Variants in MLIP observed in about 807,000 individuals in gnomAD.
MLIP encodes the protein muscular LMNA interacting protein.
Under a neutral mutation model 84.8 loss-of-function variants are expected in MLIP, and 79 were observed. The ratio of observed to expected loss-of-function variants is 0.93; its 90% CI spans 0.78 to 1.12. The LOEUF (loss-of-function observed/expected upper bound fraction) is 1.12. Ranked by LOEUF, MLIP falls within the 50% of genes most tolerant of loss-of-function variation. MLIP has a pLI of 0.00. For missense variants in MLIP, 1,257 were observed against 1,160.6 expected, an observed-to-expected ratio of 1.08 and a Z score of -1.21; for synonymous variants, 504 against 463.0, an observed-to-expected ratio of 1.09 and a Z score of -1.14.
intron 8 of MLIP, among the ~76,000 whole-genome samples, chr6:54,168,225 T>G (rs1775396051): frequency 6.6e-6 from 1 of 151,852 alleles, no homozygotes; most frequent in African/African-American, 2.4e-5. Context: ...GCTCTTTATC[T>G]AGAATACTAC....
intron 12 of MLIP, among the ~76,000 whole-genome samples, chr6:54,234,829 G>A (rs1174850006): frequency 6.6e-6 from 1 of 152,044 alleles, no homozygotes; most frequent in Admixed American, 6.6e-5. Context: ...TTTCTTTGTG[G>A]ACACTTCTTG....
chr6:54,056,296 T>C (rs960380519), intron 1 of MLIP, among the ~76,000 whole-genome samples: 1 of 152,174 alleles, frequency 6.6e-6, no homozygotes, highest in Non-Finnish European at 1.5e-5. Flanking sequence ...TTGAAAGATT[T>C]CATGAAAAGC....
In MLIP at chr6:54,191,471, T is replaced by TG. The variant is rs1207167925; in HGVS notation, c.2589+1558dup. On this transcript the variant is annotated intron_variant, in intron 10 of 13. Transcript: ENST00000502396. ...GTCAATTGGTTTAGAACAGTGTGTG[T>TG]GTGGGGGGGCAATATAGTATAGTTG... 1.9e-3 allele frequency among the ~76,000 whole-genome samples: 293 copies of TG among 152,222 alleles called. 2 individuals carry two copies. The highest frequency in any genetic ancestry group is 6.7e-3 in the African/African-American group (278 of 41,514).
chr6:54,235,704 T>A (rs1384286797), intron 12 of MLIP, among the ~76,000 whole-genome samples: 1 of 152,230 alleles, frequency 6.6e-6, no homozygotes, highest in Admixed American at 6.5e-5. Flanking sequence ...AGTCAACTTA[T>A]GGATTTACCA....
rs1773176511 is a variant in MLIP at position 54,149,139 on chromosome 6, C to T, written c.2289+12C>T. ...TTTTGGAACAGAAGGTCAGTGTTGG[C>T]TCAAAAACAGTGAATTTTACATTTT... On this transcript the variant is annotated intron_variant, in intron 5 of 13. Transcript: ENST00000502396. 1 of 1,602,872 alleles carries T rather than the reference C, an allele frequency of 6.2e-7. No homozygotes were observed. The highest frequency in any genetic ancestry group is 1.7e-5 in the Admixed American group (1 of 59,072).
At chr6:54,153,644 T>G (rs866889187) in intron 5 of MLIP, among the ~76,000 whole-genome samples, 105 of 152,048 alleles carry the variant, frequency 6.9e-4, no homozygotes, top group African/African-American at 2.4e-3. Context: ...GGTCAGAAAT[T>G]CGAGACCAGC....
At chr6:54,265,053 G>T (rs560485201) in intron 13 of MLIP, among the ~76,000 whole-genome samples, 1 of 152,160 alleles carries the variant, frequency 6.6e-6, no homozygotes, top group East Asian at 1.9e-4. Flanking sequence ...GCAAAGCACA[G>T]ACAGTTGCCT....
chr6:54,061,684 G>A (rs368127253), intron 1 of MLIP, among the ~76,000 whole-genome samples: 7 of 152,264 alleles, frequency 4.6e-5, no homozygotes, highest in African/African-American at 1.7e-4. Flanking sequence ...ATTCAGAAGT[G>A]AATATATTAC....
At chr6:54,203,807 A>G (rs1437117640) in intron 11 of MLIP, 2 of 152,312 alleles carry the variant, frequency 1.3e-5, no homozygotes, top group East Asian at 1.9e-4. Context: ...GCTGGTCTCA[A>G]ACTCGTGACC....
intron 1 of MLIP, among the ~76,000 whole-genome samples, chr6:54,034,229 T>C (rs1266896448): frequency 6.6e-6 from 1 of 152,240 alleles, no homozygotes; most frequent in Admixed American, 6.5e-5. Flanking sequence ...CAGATTTCTA[T>C]GTTAGTGTGT....
rs1273295600 is a variant in MLIP, at chr6:54,230,797, T to C, written c.2802T>C (p.His934=). 1.9e-6 allele frequency: 3 copies of C among 1,614,108 alleles called. No individual in the cohort carries two copies. The highest frequency in any genetic ancestry group is 2.2e-5 in the South Asian group (2 of 91,084). Residue 934 remains histidine, a synonymous_variant, in exon 12 of 14, where the codon CAT becomes CAC. Coordinates refer to ENST00000502396, the MANE Select transcript of MLIP (RefSeq NM_001281747.2). ...ATCCTCCTGCTAAGTCACTGCTGCA[T>C]CCACAGACCCTCTCACATGCTGACT... The part of the protein sequence containing the change: ...KLYPPAKSLL[H]PQTLSHADCL...
Position 54,266,033 on chromosome 6 carries a change from T to TG in MLIP, c.*78_*79insG. 3 of 986,426 alleles carry TG rather than the reference T, an allele frequency of 3.0e-6. No homozygotes were observed. The African/African-American group carries it at 1.4e-4, about 48-fold the overall frequency. The allele number at this position is 986,426 out of a possible 1,614,324, so 61.1% of individuals were successfully genotyped here. On this transcript the variant is annotated 3_prime_UTR_variant, in exon 14 of 14. Coordinates refer to ENST00000502396, the MANE Select transcript of MLIP (RefSeq NM_001281747.2). ...TGCTAACCACTTGCTAGATTTAACTTTTTTTTTTTTTTCCAGAATGAGTGC... is the reference window on the plus strand; with the variant it reads ...TGCTAACCACTTGCTAGATTTAACTTGTTTTTTTTTTTTCCAGAATGAGTGC...
intron 9 of MLIP, among the ~76,000 whole-genome samples, chr6:54,184,147 A>G (rs1013424785): frequency 2.0e-5 from 3 of 152,170 alleles, no homozygotes; most frequent in Non-Finnish European, 2.9e-5. Flanking sequence ...GAGAAATAAC[A>G]TAATTCAATT....
At chr6:54,249,362 T>C (rs1302649064) in intron 12 of MLIP, among the ~76,000 whole-genome samples, 1 of 152,052 alleles carries the variant, frequency 6.6e-6, no homozygotes, top group African/African-American at 2.4e-5. Context: ...ACTTTTGAAT[T>C]CTAAAAATAA....
rs757275667 is a variant in MLIP at position 54,138,072 on chromosome 6, C to T, written c.2003C>T (p.Pro668Leu). Reference protein sequence around the residue: ...RSSSLPHANLPTLVPQLSPSA... With the variant: ...RSSSLPHANLLTLVPQLSPSA... Reference sequence around the variant, plus strand: ...TCCTCTCTCCCTCATGCCAATCTGCCCACCCTGGTGCCCCAGCTCAGTCCC... The same window carrying T: ...TCCTCTCTCCCTCATGCCAATCTGCTCACCCTGGTGCCCCAGCTCAGTCCC... The change falls in exon 4 of 14, where the codon CCC (proline) becomes CTC (leucine). Residue 668 changes from proline (P) to leucine (L), a missense_variant. Physicochemically the swap from Pro to Leu is moderately conservative, Grantham distance 98 (BLOSUM62 -3). Transcript: ENST00000502396. 1 of 1,536,112 alleles carries T rather than the reference C, an allele frequency of 6.5e-7. No homozygotes were observed. The highest frequency in any genetic ancestry group is 8.7e-7 in the Non-Finnish European group (1 of 1,146,896).
chr6:54,195,204 A>G (rs1323211771), intron 10 of MLIP, among the ~76,000 whole-genome samples: 1 of 152,096 alleles, frequency 6.6e-6, no homozygotes, highest in Non-Finnish European at 1.5e-5. Flanking sequence ...CTTTGAGCCC[A>G]TAAAATTAGT....
chr6:54,265,870 A>G, intron 13 of MLIP, 80 bp from the exon 14 acceptor site: 1 of 1,358,612 alleles, frequency 7.4e-7, no homozygotes, highest in Non-Finnish European at 1.0e-6. Flanking sequence ...GCTATGCCCA[A>G]ATATTAATGT....
intron 1 of MLIP, among the ~76,000 whole-genome samples, chr6:54,120,445 G>A (rs1455789121): frequency 2.6e-5 from 4 of 152,146 alleles, no homozygotes; most frequent in African/African-American, 9.6e-5. Flanking sequence ...CACCATGTTA[G>A]CCAGGCTGGT....
At position 54,190,566 on chromosome 6, in the gene MLIP, A is replaced by G. The variant is rs1369103219; in HGVS notation, c.2589+652A>G. On this transcript the variant is annotated intron_variant, in intron 10 of 13. Coordinates refer to ENST00000502396, the MANE Select transcript of MLIP (RefSeq NM_001281747.2). Reference sequence around the variant, plus strand: ...TTGGGAAAAGTCTTTGAACTATTGCATATTTTACATTTACAGCAAATCTCA... The same window carrying G: ...TTGGGAAAAGTCTTTGAACTATTGCGTATTTTACATTTACAGCAAATCTCA... 3.9e-5 allele frequency among the ~76,000 whole-genome samples: 6 copies of G among 152,278 alleles called. No homozygotes were observed. In the East Asian group the frequency reaches 1.2e-3, roughly 29 times the overall value.
Sources: gnomAD v4.1 joint callset for allele counts (sites outside exome capture counted in the v4.1 genomes callset) on GRCh38, gnomAD v4.1.1 for gene constraint, MANE v1.5 for transcripts, NCBI Gene and HGNC (gene_info 2026-07-23, HGNC 2026-07-21) for gene names.